Variants in CCDC146 observed in about 807,000 individuals in gnomAD.
The protein encoded by CCDC146 is coiled-coil domain-containing protein 146.
In CCDC146, 92 loss-of-function variants were observed where a neutral mutation model predicts 119.3. The observed-to-expected ratio is 0.77, with a 90% CI of 0.65 to 0.92. CCDC146 has a LOEUF of 0.92. Among genes scored for constraint, CCDC146 ranks in the 40% least tolerant of loss-of-function variants. The pLI, the probability that CCDC146 is intolerant of heterozygous loss-of-function variation, is 0.00. For missense variants in CCDC146, 1,000 were observed against 1,103.0 expected (o/e 0.91, Z 1.32); for synonymous variants, 372 against 371.8 (o/e 1.00, Z -0.01).
intron 1 of CCDC146, among the ~76,000 whole-genome samples, chr7:77,134,563 C>CTGTG (rs1554345524): frequency 0.017 from 2,310 of 139,372 alleles, 34 homozygotes; most frequent in Middle Eastern, 0.049. Context: ...GTGTGTGTGT[C>CTGTG]TGTGTGTGTG....
chr7:77,274,545 T>A lies in CCDC146; in HGVS notation c.1333T>A (p.Leu445Ile), dbSNP rs2150534683. The change falls in exon 11 of 19, where the codon TTA (leucine) becomes ATA (isoleucine). Residue 445 changes from leucine (L) to isoleucine (I), a missense_variant. Physicochemically the swap from Leu to Ile is conservative, Grantham distance 5. This residue lies in a region of CCDC146 where 985 missense variants were observed against 1,045.3 expected (regional missense o/e 0.94). Transcript: ENST00000285871. ...EQQLAEENKL[L>I]KEQENMKELV... is the part of the protein sequence containing the mutation. Reference sequence around the variant, plus strand: ...ACAACTTGCAGAAGAAAACAAGCTTTTAAAGGAGCAAGAAAACATGAAAGA... The same window carrying A: ...ACAACTTGCAGAAGAAAACAAGCTTATAAAGGAGCAAGAAAACATGAAAGA... 2 of 1,612,504 alleles carry A rather than the reference T, an allele frequency of 1.2e-6. No individual in the cohort carries two copies. The highest frequency in any genetic ancestry group is 8.5e-7 in the Non-Finnish European group (1 of 1,179,064).
At chr7:77,256,628 T>C (rs1454376648) in intron 6 of CCDC146, 119 bp downstream of exon 6, 2 of 758,252 alleles carry the variant, frequency 2.6e-6, no homozygotes, top group South Asian at 1.7e-5. Context: ...AACTGAAATA[T>C]CTGCATTGCG....
At chr7:77,187,710 GGGA>G (rs1387765218) in intron 2 of CCDC146, among the ~76,000 whole-genome samples, 1 of 152,162 alleles carries the variant, frequency 6.6e-6, no homozygotes, top group Non-Finnish European at 1.5e-5. Context: ...CAGTGCACCA[GGGA>G]GACTATCACT....
intron 2 of CCDC146, among the ~76,000 whole-genome samples, chr7:77,183,981 T>C (rs12671216): frequency 0.02 from 3,088 of 152,322 alleles, 105 homozygotes; most frequent in East Asian, 0.14. Flanking sequence ...TCTTCTGGAT[T>C]ACTGAATGTA....
Position 77,259,993 on chromosome 7 carries a change from T to A in CCDC146, c.759-16T>A. 1.6e-6 allele frequency: 1 copy of A among 631,086 alleles called. No homozygotes were observed. The allele number at this position is 631,086 out of a possible 1,614,324, so 39.1% of individuals were successfully genotyped here. On this transcript the variant is annotated splice_polypyrimidine_tract_variant and intron_variant, in intron 7 of 18. Transcript: ENST00000285871. ...GTGTGTGTGTGTGTGTGTGTGTGTG[T>A]GTGTATCCCCTACAGAGAAATGGAA...
At chr7:77,202,150 A>G (rs1792003807) in intron 2 of CCDC146, among the ~76,000 whole-genome samples, 1 of 152,262 alleles carries the variant, frequency 6.6e-6, no homozygotes, top group Admixed American at 6.5e-5. Context: ...TATACTATAT[A>G]TTTATTCATC....
rs199766104 is a variant in CCDC146 at position 77,279,044 on chromosome 7, A to G, written c.1637A>G (p.His546Arg). The part of the protein sequence containing the change: ...HQKVNEIKER[H>R]KMSLNELEIL... ...AAAGTAAATGAAATAAAAGAAAGGC[A>G]TAAAATGTCATTAAATGAACTTGAA... Residue 546 changes from histidine (H) to arginine (R), a missense_variant, in exon 13 of 19, where the codon CAT (histidine) becomes CGT (arginine). Coordinates refer to ENST00000285871, the MANE Select transcript of CCDC146 (RefSeq NM_020879.3). 1.2e-5 allele frequency: 20 copies of G among 1,608,898 alleles called. No homozygotes were observed. The highest frequency in any genetic ancestry group is 1.7e-5 in the Non-Finnish European group (20 of 1,176,894).
rs765354770 is a variant in CCDC146, at chr7:77,196,712, T to C, written c.156+28888T>C. ...AAGATCTATTCTCAGAATCATTTCC[T>C]TACTCTTGGTCAGAAGATGAATTTT... On this transcript the variant is annotated intron_variant, in intron 2 of 18. Coordinates refer to ENST00000285871, the MANE Select transcript of CCDC146 (RefSeq NM_020879.3). The surrounding 1 kb of genome is among the most constrained non-coding windows in gnomAD (Gnocchi z 4.2). The C allele has an allele frequency of 6.2e-7, 1 of 1,614,224 alleles. No homozygotes were observed. Among genetic ancestry groups the C allele is most frequent in the South Asian group, 1.1e-5 (1 of 91,078 alleles).
In CCDC146 at chr7:77,256,352, A is replaced by T; in HGVS notation, c.527A>T (p.Lys176Ile). ...TTAAAGGAAATGGAGAAGAAGATGAAAATATTGAGAGAAAGCACTGAAGAA... is the reference window on the plus strand; with the variant it reads ...TTAAAGGAAATGGAGAAGAAGATGATAATATTGAGAGAAAGCACTGAAGAA... Reference protein sequence around the residue: ...TKPGEMEKKMKILRESTEELR... With the variant: ...TKPGEMEKKMIILRESTEELR... The change falls in exon 6 of 19, where the codon AAA (lysine) becomes ATA (isoleucine). Residue 176 changes from lysine to isoleucine, a missense_variant. Lys to Ile is a moderately radical substitution (Grantham distance 102, BLOSUM62 -3). Coordinates refer to ENST00000285871, the MANE Select transcript of CCDC146 (RefSeq NM_020879.3). 6.3e-7 allele frequency: 1 copy of T among 1,593,440 alleles called. No individual in the cohort carries two copies. The highest frequency in any genetic ancestry group is 8.5e-7 in the Non-Finnish European group (1 of 1,173,552).
At chr7:77,185,849 ATGGAACT>A in intron 2 of CCDC146, among the ~76,000 whole-genome samples, 2 of 152,344 alleles carry the variant, frequency 1.3e-5, no homozygotes, top group South Asian at 4.1e-4. Context: ...TGACACAGAG[ATGGAACT>A]TGGAATTCTA....
chr7:77,151,928 C>T (rs2117446946), intron 1 of CCDC146, among the ~76,000 whole-genome samples: 1 of 152,274 alleles, frequency 6.6e-6, no homozygotes, highest in South Asian at 2.1e-4. Flanking sequence ...GTGTAGTGCT[C>T]CCAGCCAGCC....
intron 4 of CCDC146, 100 bp from the exon 5 acceptor site, chr7:77,254,406 G>C (rs1793138165): frequency 1.5e-6 from 1 of 666,862 alleles, no homozygotes. Context: ...TGGCCGACAA[G>C]CATGGGAATG....
At chr7:77,271,297 G>GC (rs1793507957) in intron 9 of CCDC146, among the ~76,000 whole-genome samples, 1 of 151,018 alleles carries the variant, frequency 6.6e-6, no homozygotes, top group Non-Finnish European at 1.5e-5. Context: ...TGAGAGACCG[G>GC]CCTAGCCTCC....
rs571532103 is a variant in CCDC146 at position 77,266,797 on chromosome 7, A to G, written c.1173+4490A>G. On this transcript the variant is annotated intron_variant, in intron 9 of 18. Transcript: ENST00000285871. ...CCATCTTAGCCCAAAGCACAAATTTATATTCTTAAGTGACACATTCATGTG... is the reference window on the plus strand; with the variant it reads ...CCATCTTAGCCCAAAGCACAAATTTGTATTCTTAAGTGACACATTCATGTG... Among the ~76,000 whole-genome samples the G allele has an allele frequency of 1.6e-4, 25 of 152,212 alleles. No homozygotes were observed. In the South Asian group the frequency reaches 4.6e-3, roughly 28 times the overall value.
At chr7:77,252,010 G>C (rs1233459047) in intron 4 of CCDC146, among the ~76,000 whole-genome samples, 1 of 152,074 alleles carries the variant, frequency 6.6e-6, no homozygotes, top group African/African-American at 2.4e-5. Flanking sequence ...TTAGCTGGAC[G>C]TGGTGGCACG....
chr7:77,217,160 A>G (rs1278390296), intron 2 of CCDC146, among the ~76,000 whole-genome samples: 1 of 152,150 alleles, frequency 6.6e-6, no homozygotes, highest in Non-Finnish European at 1.5e-5. Flanking sequence ...ATTTTAAAGT[A>G]TTAAGTTCTA....
At chr7:77,217,362 A>G (rs1584081888) in intron 2 of CCDC146, among the ~76,000 whole-genome samples, 1 of 151,744 alleles carries the variant, frequency 6.6e-6, no homozygotes, top group Non-Finnish European at 1.5e-5. Flanking sequence ...ATGTATATAT[A>G]TGTGTGTATG....
chr7:77,142,379 G>A (rs572637230), intron 1 of CCDC146, among the ~76,000 whole-genome samples: 16 of 150,966 alleles, frequency 1.1e-4, no homozygotes, highest in Non-Finnish European at 1.8e-4. Flanking sequence ...TGTGCACAAC[G>A]TGCAGGTTTG....
At chr7:77,159,532 T>C (rs988544909) in intron 1 of CCDC146, among the ~76,000 whole-genome samples, 2 of 152,232 alleles carry the variant, frequency 1.3e-5, no homozygotes, top group Non-Finnish European at 2.9e-5. Flanking sequence ...TCCATTCATA[T>C]GTCCATGGAA....
Sources: gnomAD v4.1 joint callset for allele counts (sites outside exome capture counted in the v4.1 genomes callset) on GRCh38, gnomAD v4.1.1 for gene constraint, gnomAD v4.1.1 regional missense constraint, Gnocchi (gnomAD v3.1) non-coding constraint, MANE v1.5 for transcripts, NCBI Gene and HGNC (gene_info 2026-07-23, HGNC 2026-07-21) for gene names.